TENM2: variants seen among roughly 807,000 people sequenced by gnomAD.
TENM2 encodes the protein teneurin-2.
Under a neutral mutation model 245.2 loss-of-function variants are expected in TENM2, and 52 were observed. That is an observed-to-expected ratio of 0.21 (90% CI 0.17 to 0.27). The LOEUF (loss-of-function observed/expected upper bound fraction) is 0.27. TENM2 is among the 10% of genes least tolerant of loss of function. The pLI is 1.00. For missense variants in TENM2, 3,046 were observed against 3,666.8 expected (o/e 0.83, Z 4.37); for synonymous variants, 1,363 against 1,438.9 (o/e 0.95, Z 1.19).
intron 2 of TENM2, among the ~76,000 whole-genome samples, chr5:167,791,224 T>C (rs1426623092): frequency 1.3e-5 from 2 of 151,902 alleles, no homozygotes; most frequent in East Asian, 1.9e-4. Flanking sequence ...TTGTATACTT[T>C]TGATTTCTCT....
At chr5:168,043,916 C>T (rs1468184949) in intron 5 of TENM2, among the ~76,000 whole-genome samples, 4 of 152,202 alleles carry the variant, frequency 2.6e-5, no homozygotes, top group African/African-American at 9.7e-5. Flanking sequence ...GACTCCATTA[C>T]CCATAGAATC....
chr5:167,810,452 C>T (rs1182332378), intron 2 of TENM2, among the ~76,000 whole-genome samples: 1 of 151,770 alleles, frequency 6.6e-6, no homozygotes, highest in East Asian at 1.9e-4. Flanking sequence ...CCCATTTCGC[C>T]ACCATTACAT....
intron 2 of TENM2, among the ~76,000 whole-genome samples, chr5:167,847,521 G>C (rs545018201): frequency 3.3e-5 from 5 of 152,180 alleles, no homozygotes; most frequent in Non-Finnish European, 7.3e-5. Context: ...GGACTGCATA[G>C]CCTGAGTTGA....
chr5:168,010,215 T>C (rs1345411323), intron 5 of TENM2, among the ~76,000 whole-genome samples: 1 of 152,250 alleles, frequency 6.6e-6, no homozygotes, highest in Non-Finnish European at 1.5e-5. Flanking sequence ...AATCATAGGA[T>C]AGCTATAGTG....
intron 1 of TENM2, among the ~76,000 whole-genome samples, chr5:167,304,432 C>T (rs555896622): frequency 1.1e-4 from 16 of 152,274 alleles, no homozygotes; most frequent in Admixed American, 5.9e-4. Flanking sequence ...TGGGTTAAGA[C>T]GTTTGGCAGC....
At chr5:168,124,091 A>G (rs1220065091) in intron 10 of TENM2, among the ~76,000 whole-genome samples, 5 of 152,242 alleles carry the variant, frequency 3.3e-5, no homozygotes, top group African/African-American at 9.6e-5. Flanking sequence ...GGCAAGAACC[A>G]CAATGACTGG....
intron 2 of TENM2, among the ~76,000 whole-genome samples, chr5:167,758,995 T>TA (rs1230599187): frequency 2.0e-5 from 3 of 151,802 alleles, no homozygotes; most frequent in Non-Finnish European, 1.5e-5. Flanking sequence ...GAATAAATAA[T>TA]AATTGTTTCA....
At chr5:167,149,088 T>C in the TENM2 span, among the ~76,000 whole-genome samples, 1 of 152,352 alleles carries the variant, frequency 6.6e-6, no homozygotes, top group Non-Finnish European at 1.5e-5. Flanking sequence ...TACATATGTA[T>C]ACATGTGCCA....
At chr5:168,078,845 G>C (rs565535000) in intron 7 of TENM2, among the ~76,000 whole-genome samples, 1 of 152,326 alleles carries the variant, frequency 6.6e-6, no homozygotes, top group East Asian at 1.9e-4. Context: ...TTGTAGTATA[G>C]TTTGAAGTCA....
the TENM2 span, among the ~76,000 whole-genome samples, chr5:167,259,097 T>C: frequency 6.6e-6 from 1 of 152,178 alleles, no homozygotes; most frequent in Non-Finnish European, 1.5e-5. Context: ...TCCTAACAAA[T>C]GCACAGGTAA....
At chr5:167,681,214 A>G (rs976881418) in intron 2 of TENM2, among the ~76,000 whole-genome samples, 10 of 152,160 alleles carry the variant, frequency 6.6e-5, no homozygotes, top group African/African-American at 2.4e-4. Flanking sequence ...TCTAGCATCT[A>G]TATGCACACG....
chr5:167,834,347 C>G (rs1414681140), intron 2 of TENM2, among the ~76,000 whole-genome samples: 1 of 152,136 alleles, frequency 6.6e-6, no homozygotes, highest in African/African-American at 2.4e-5. Context: ...CTCACTGAGG[C>G]CTTTTAAGAC....
the TENM2 span, among the ~76,000 whole-genome samples, chr5:167,133,088 C>A: frequency 5.6e-4 from 85 of 152,122 alleles, 1 homozygote; most frequent in East Asian, 0.016. Flanking sequence ...TCACACAGCA[C>A]AAGGCCAAAT....
intron 2 of TENM2, among the ~76,000 whole-genome samples, chr5:167,668,806 T>C (rs1176449004): frequency 6.6e-6 from 1 of 152,006 alleles, no homozygotes; most frequent in Non-Finnish European, 1.5e-5. Context: ...ATACAAAAAT[T>C]AGCTGGGTGT....
the TENM2 span, among the ~76,000 whole-genome samples, chr5:167,262,073 C>T: frequency 6.6e-6 from 1 of 152,108 alleles, no homozygotes; most frequent in Non-Finnish European, 1.5e-5. Flanking sequence ...ATATTTATTT[C>T]AATTTTAAAA....
At chr5:167,603,511 C>T (rs1481233187) in intron 2 of TENM2, among the ~76,000 whole-genome samples, 2 of 151,994 alleles carry the variant, frequency 1.3e-5, no homozygotes, top group African/African-American at 4.8e-5. Context: ...AGTGAAACCC[C>T]GTCTCTACAA....
the TENM2 span, among the ~76,000 whole-genome samples, chr5:167,013,843 C>T: frequency 3.3e-5 from 5 of 152,178 alleles, no homozygotes; most frequent in East Asian, 5.8e-4. Context: ...TGTAAGATTA[C>T]TACTATGAGG....
exon 12 of TENM2, chr5:168,126,875 C>T (rs10055910): frequency 0.22 from 350,181 of 1,607,740 alleles, 40,700 homozygotes; most frequent in African/African-American, 0.24. Flanking sequence ...GCATTGAGCA[C>T]GGGACCTGTA....
chr5:167,508,184 C>T (rs566346174), intron 2 of TENM2, among the ~76,000 whole-genome samples: 1 of 152,270 alleles, frequency 6.6e-6, no homozygotes, highest in African/African-American at 2.4e-5. Flanking sequence ...ACACATATTT[C>T]ACTTTAAGCA....
Sources: allele counts gnomAD v4.1 joint callset (sites outside exome capture counted in the v4.1 genomes callset), GRCh38; gene constraint gnomAD v4.1.1; transcripts MANE v1.5; gene names NCBI Gene and HGNC (gene_info 2026-07-23, HGNC 2026-07-21).